Variants in XPO7 observed in about 807,000 individuals in gnomAD.
XPO7 encodes the protein exportin-7.
Under a neutral mutation model 144.3 loss-of-function variants are expected in XPO7, and 21 were observed. That is an observed-to-expected ratio of 0.15 (90% CI 0.10 to 0.21). The LOEUF is 0.21. Ranked by LOEUF, XPO7 falls within the 10% of genes least tolerant of loss-of-function variation. XPO7 has a pLI of 1.00. For missense variants in XPO7, 808 were observed against 1,325.8 expected, an observed-to-expected ratio of 0.61 and a Z score of 6.06; for synonymous variants, 580 against 499.6, an observed-to-expected ratio of 1.16 and a Z score of -2.15.
intron 5 of XPO7, 84 bp downstream of exon 5, chr8:21,972,025 T>C: frequency 6.7e-6 from 9 of 1,347,170 alleles, no homozygotes; most frequent in Non-Finnish European, 9.5e-6. Context: ...GGGATGATCT[T>C]TTTTGGCAGT....
At chr8:22,002,800 C>G (rs1402245602) in intron 25 of XPO7, among the ~76,000 whole-genome samples, 1 of 150,376 alleles carries the variant, frequency 6.6e-6, no homozygotes, top group Non-Finnish European at 1.5e-5. Context: ...CCAGTCTTAC[C>G]TTTGTCCACA....
intron 1 of XPO7, among the ~76,000 whole-genome samples, chr8:21,963,087 T>C (rs747993319): frequency 6.6e-6 from 1 of 152,190 alleles, no homozygotes; most frequent in Non-Finnish European, 1.5e-5. Flanking sequence ...CTTTATATAT[T>C]TGTGGCATTC....
chr8:21,976,580 G>T, intron 7 of XPO7, 59 bp downstream of exon 7: 1 of 1,512,628 alleles, frequency 6.6e-7, no homozygotes, highest in South Asian at 1.3e-5. Flanking sequence ...AGTGTCTGTA[G>T]AATGATCTAA....
At chr8:21,971,420 A>G (rs1363503641) in intron 4 of XPO7, among the ~76,000 whole-genome samples, 3 of 152,216 alleles carry the variant, frequency 2.0e-5, no homozygotes, top group Non-Finnish European at 4.4e-5. Context: ...TGTTTGGGTT[A>G]TGAGTGAGAC....
At position 21,998,762 on chromosome 8, in the gene XPO7, C is replaced by T; in HGVS notation, c.2353C>T (p.Arg785Ter). ...CCTGTGCTCTCTGCTCAGGTCCCAGCGACTCCAGTTTGATGTCTCTTCCCC... is the reference window on the plus strand; with the variant it reads ...CCTGTGCTCTCTGCTCAGGTCCCAGTGACTCCAGTTTGATGTCTCTTCCCC... Reference protein sequence around the residue: ...MAELVHNRSQRLQFDVSSPNG... With the variant: ...MAELVHNRSQ Residue 785 changes from arginine (R) to a stop codon, truncating the protein, a stop_gained, in exon 22 of 28, where the codon CGA becomes TGA. Transcript: ENST00000252512. LOFTEE classifies it high-confidence loss of function. 1 of 1,613,904 alleles carries T rather than the reference C, an allele frequency of 6.2e-7. No homozygotes were observed.
chr8:21,941,479 A>G (rs1054016540), intron 1 of XPO7, among the ~76,000 whole-genome samples: 2 of 152,220 alleles, frequency 1.3e-5, no homozygotes, highest in African/African-American at 4.8e-5. Flanking sequence ...TCTCTAGATT[A>G]CTTGTACTAG....
chr8:21,992,662 C>A lies in XPO7; in HGVS notation c.2148+688C>A, dbSNP rs576085104. ...ACTCCTGGCTCAAGCAGTCCTCCTG[C>A]CCCAGCTTCCCACGTGGCTAGGATT... is the stretch of plus-strand genomic sequence containing the variant. On this transcript the variant is annotated intron_variant, in intron 19 of 27. Coordinates refer to ENST00000252512, the MANE Select transcript of XPO7 (RefSeq NM_015024.5). 5.3e-5 allele frequency among the ~76,000 whole-genome samples: 8 copies of A among 152,282 alleles called. No individual in the cohort carries two copies. The East Asian group carries it at 1.5e-3, about 29-fold the overall frequency.
At chr8:21,936,605 A>T in intron 1 of XPO7, among the ~76,000 whole-genome samples, 1 of 152,184 alleles carries the variant, frequency 6.6e-6, no homozygotes, top group Non-Finnish European at 1.5e-5. Context: ...CACAATAAGG[A>T]TTATTTGATC....
chr8:21,939,375 C>A (rs1310532404), intron 1 of XPO7, among the ~76,000 whole-genome samples: 1 of 152,154 alleles, frequency 6.6e-6, no homozygotes, highest in African/African-American at 2.4e-5. Context: ...CATGTGCCAC[C>A]ATGCCCAGCT....
chr8:21,998,833 G>C lies in XPO7; in HGVS notation c.2424G>C (p.Met808Ile). Residue 808 changes from methionine to isoleucine, a missense_variant, in exon 22 of 28, where the codon ATG becomes ATC. Coordinates refer to ENST00000252512, the MANE Select transcript of XPO7 (RefSeq NM_015024.5). ...LFRETSKMIT[M>I]YGNRILTLGE... Reference sequence around the variant, plus strand: ...GAGAAACCAGCAAGATGATAACAATGTATGGTAAGTGCTTCAGATAATCAT... The same window carrying C: ...GAGAAACCAGCAAGATGATAACAATCTATGGTAAGTGCTTCAGATAATCAT... The C allele has an allele frequency of 6.2e-7, 1 of 1,613,882 alleles. No individual in the cohort carries two copies. The highest frequency in any genetic ancestry group is 8.5e-7 in the Non-Finnish European group (1 of 1,179,822).
At chr8:21,987,951 T>A (rs1812635893) in intron 15 of XPO7, 94 bp downstream of exon 15, 1 of 1,312,664 alleles carries the variant, frequency 7.6e-7, no homozygotes, top group South Asian at 1.3e-5. Context: ...GTGCCTGGTA[T>A]TCCAGCATTG....
At chr8:21,993,992 C>T (rs1209722326) in intron 19 of XPO7, among the ~76,000 whole-genome samples, 2 of 146,246 alleles carry the variant, frequency 1.4e-5, no homozygotes, top group Non-Finnish European at 3.0e-5. Flanking sequence ...CTCCTTTCCT[C>T]CCTGGGTGGA....
chr8:21,958,917 C>T (rs1422751694), intron 1 of XPO7, among the ~76,000 whole-genome samples: 2 of 150,312 alleles, frequency 1.3e-5, no homozygotes, highest in African/African-American at 2.5e-5. Context: ...GCCGAGTTCG[C>T]GCCACTACAC....
intron 1 of XPO7, among the ~76,000 whole-genome samples, chr8:21,945,648 C>A (rs1424022941): frequency 1.3e-5 from 2 of 152,230 alleles, no homozygotes; most frequent in African/African-American, 4.8e-5. Context: ...CTTTTAAATA[C>A]ATAGTCGGCC....
At chr8:21,964,776 C>G (rs1036166468) in intron 1 of XPO7, among the ~76,000 whole-genome samples, 3 of 152,188 alleles carry the variant, frequency 2.0e-5, no homozygotes, top group African/African-American at 7.2e-5. Flanking sequence ...AAAACAACAA[C>G]AAAAAGCCTA....
At chr8:21,994,542 G>A in intron 20 of XPO7, 91 bp downstream of exon 20, 1 of 1,179,818 alleles carries the variant, frequency 8.5e-7, no homozygotes, top group East Asian at 2.6e-5. Context: ...AGGGGGAAGG[G>A]AGGGTAGTGA....
In XPO7 at chr8:21,982,951, T is replaced by C. The variant is rs1405551274; in HGVS notation, c.1277+139T>C. On this transcript the variant is annotated intron_variant, in intron 11 of 27. Transcript: ENST00000252512. ...TACTGTTCATGGTTCTTCTTCCTTG[T>C]CAGCAGAGTAGCATGAGAGCATAAA... 4 of 1,084,008 alleles carry C rather than the reference T, an allele frequency of 3.7e-6. No individual in the cohort carries two copies. In the African/African-American group the frequency reaches 6.3e-5, roughly 17 times the overall value. 67.1% of individuals were successfully genotyped at this position (1,084,008 alleles called of 1,614,324 possible).
intron 1 of XPO7, among the ~76,000 whole-genome samples, chr8:21,964,924 C>CCT (rs1363583869): frequency 6.6e-5 from 10 of 152,164 alleles, no homozygotes; most frequent in Admixed American, 6.5e-4. Flanking sequence ...ATTGATCAGA[C>CCT]TTTAAGGAGA....
chr8:21,981,328 G>A (rs937644165), intron 9 of XPO7, among the ~76,000 whole-genome samples: 5 of 152,142 alleles, frequency 3.3e-5, no homozygotes, highest in South Asian at 2.1e-4. Flanking sequence ...TTTGACAGAC[G>A]TGGAAATGAA....
Sources: allele counts gnomAD v4.1 joint callset (sites outside exome capture counted in the v4.1 genomes callset), GRCh38; gene constraint gnomAD v4.1.1; transcripts MANE v1.5; gene names NCBI Gene and HGNC (gene_info 2026-07-23, HGNC 2026-07-21).